SRPK2: variants seen among roughly 807,000 people sequenced by gnomAD.
SRPK2 encodes the protein SFRS protein kinase 2.
Under a neutral mutation model 90.8 loss-of-function variants are expected in SRPK2, and 21 were observed. That is an observed-to-expected ratio of 0.23 (90% CI 0.16 to 0.33). The LOEUF is 0.33. SRPK2 is among the 10% of genes least tolerant of loss of function. The pLI is 1.00. For synonymous variants in SRPK2, 288 were observed against 311.1 expected (o/e 0.93, Z 0.78); for missense variants, 620 against 869.0 (o/e 0.71, Z 3.60).
chr7:105,130,007 C>G (rs1258474238), intron 13 of SRPK2, among the ~76,000 whole-genome samples: 2 of 152,064 alleles, frequency 1.3e-5, no homozygotes, highest in Non-Finnish European at 2.9e-5. Flanking sequence ...GCAGAGAAAC[C>G]AATGCTTCAG....
At chr7:105,248,783 A>T (rs991078997) in intron 2 of SRPK2, among the ~76,000 whole-genome samples, 15 of 152,172 alleles carry the variant, frequency 9.9e-5, no homozygotes, top group African/African-American at 3.4e-4. Flanking sequence ...CTACTAAAAA[A>T]TACAAAAAAA....
chr7:105,135,712 G>T lies in SRPK2; in HGVS notation c.1544-2608C>A, dbSNP rs188601346. On this transcript the variant is annotated intron_variant, in intron 11 of 15. Transcript: ENST00000393651. ...CTCAGGAGCTGCTTAATTCAATCAC[G>T]CTAGAAGAAATATACTTTCAAAGAC... Among the ~76,000 whole-genome samples, 3 of 151,938 alleles carry T rather than the reference G, an allele frequency of 2.0e-5. No individual in the cohort carries two copies. The East Asian group carries it at 5.8e-4, about 29-fold the overall frequency.
chr7:105,383,785 A>T (rs1179819450), intron 2 of SRPK2, among the ~76,000 whole-genome samples: 1 of 152,242 alleles, frequency 6.6e-6, no homozygotes, highest in African/African-American at 2.4e-5. Flanking sequence ...ACAACTATTC[A>T]ACAATATAAA....
chr7:105,299,079 A>G (rs1353111247), intron 2 of SRPK2, among the ~76,000 whole-genome samples: 1 of 152,168 alleles, frequency 6.6e-6, no homozygotes, highest in Non-Finnish European at 1.5e-5. Flanking sequence ...TCCTTGCCCT[A>G]ACAGGACTGG....
chr7:105,150,875 T>C (rs1329515636), intron 7 of SRPK2, among the ~76,000 whole-genome samples: 3 of 152,220 alleles, frequency 2.0e-5, no homozygotes, highest in Non-Finnish European at 4.4e-5. Flanking sequence ...GTATCTTTCT[T>C]TCCTAAAATA....
intron 2 of SRPK2, among the ~76,000 whole-genome samples, chr7:105,375,557 C>A (rs1820184260): frequency 6.6e-6 from 1 of 152,128 alleles, no homozygotes; most frequent in South Asian, 2.1e-4. Flanking sequence ...TCACAGCGAT[C>A]AAGGTAACCT....
At chr7:105,238,571 A>C (rs1038717708) in intron 2 of SRPK2, among the ~76,000 whole-genome samples, 1 of 152,214 alleles carries the variant, frequency 6.6e-6, no homozygotes. Flanking sequence ...TGGTTTGCCC[A>C]CAGCTGCTGC....
intron 2 of SRPK2, among the ~76,000 whole-genome samples, chr7:105,365,367 T>G (rs1818907856): frequency 6.6e-6 from 1 of 150,616 alleles, no homozygotes; most frequent in South Asian, 2.1e-4. Context: ...GTGCCTGTAA[T>G]CCAAGCTACT....
intron 2 of SRPK2, among the ~76,000 whole-genome samples, chr7:105,232,810 C>A (rs1378349793): frequency 6.6e-6 from 1 of 151,944 alleles, no homozygotes; most frequent in East Asian, 1.9e-4. Flanking sequence ...GTCAAGAGAT[C>A]GAGACCATCC....
intron 2 of SRPK2, among the ~76,000 whole-genome samples, chr7:105,292,103 A>T (rs1162356962): frequency 6.6e-6 from 1 of 152,216 alleles, no homozygotes; most frequent in Non-Finnish European, 1.5e-5. Flanking sequence ...CTCAGCTACC[A>T]ACACTTCAAG....
intron 2 of SRPK2, among the ~76,000 whole-genome samples, chr7:105,248,879 T>C (rs1802093154): frequency 6.6e-6 from 1 of 150,688 alleles, no homozygotes; most frequent in African/African-American, 2.4e-5. Context: ...TGAGCCGAGA[T>C]CGTGCCACTG....
intron 2 of SRPK2, among the ~76,000 whole-genome samples, chr7:105,324,010 T>TGTGTGTGTGTGGGGGTGG (rs950960322): frequency 6.7e-6 from 1 of 148,860 alleles, no homozygotes; most frequent in South Asian, 2.2e-4. Flanking sequence ...TGTGTGTGTG[T>TGTGTGTGTGTGGGGGTGG]GTGTGTGGTG....
intron 2 of SRPK2, among the ~76,000 whole-genome samples, chr7:105,270,245 G>A (rs1805647052): frequency 1.3e-5 from 2 of 152,150 alleles, no homozygotes; most frequent in South Asian, 2.1e-4. Flanking sequence ...GCCACTGGGA[G>A]AGCAGAGCAC....
chr7:105,267,931 T>A (rs1023398291), intron 2 of SRPK2, among the ~76,000 whole-genome samples: 1 of 152,144 alleles, frequency 6.6e-6, no homozygotes, highest in Admixed American at 6.5e-5. Flanking sequence ...AAGTATAACC[T>A]ATTAGGTAAC....
intron 2 of SRPK2, chr7:105,244,611 C>T: frequency 1.5e-6 from 1 of 673,306 alleles, no homozygotes; most frequent in Non-Finnish European, 2.6e-6. Flanking sequence ...CACGCGGCGC[C>T]AGCCCCAGCG....
chr7:105,360,105 T>G (rs898127550), intron 2 of SRPK2, among the ~76,000 whole-genome samples: 1 of 152,228 alleles, frequency 6.6e-6, no homozygotes, highest in South Asian at 2.1e-4. Flanking sequence ...GCTCTTCTTG[T>G]TGAATTGATC....
intron 11 of SRPK2, among the ~76,000 whole-genome samples, chr7:105,136,565 C>T (rs986676229): frequency 1.1e-4 from 16 of 152,176 alleles, no homozygotes; most frequent in East Asian, 5.8e-4. Flanking sequence ...CCTTCTGATA[C>T]GCTAGTCTTT....
chr7:105,271,945 C>G (rs890546557), intron 2 of SRPK2, among the ~76,000 whole-genome samples: 14 of 152,190 alleles, frequency 9.2e-5, no homozygotes, highest in Non-Finnish European at 2.1e-4. Flanking sequence ...ACCTTCCTCA[C>G]ACCAAAGTTT....
intron 2 of SRPK2, among the ~76,000 whole-genome samples, chr7:105,349,598 T>A (rs1816914042): frequency 6.6e-6 from 1 of 151,482 alleles, no homozygotes; most frequent in African/African-American, 2.4e-5. Flanking sequence ...CACCTTAATA[T>A]CCTATGTAAT....
Sources: gnomAD v4.1 joint callset for allele counts (sites outside exome capture counted in the v4.1 genomes callset) on GRCh38, gnomAD v4.1.1 for gene constraint, MANE v1.5 for transcripts, NCBI Gene and HGNC (gene_info 2026-07-23, HGNC 2026-07-21) for gene names.